GRID1: variants seen among roughly 807,000 people sequenced by gnomAD.
The protein encoded by GRID1 is glutamate ionotropic receptor delta type subunit 1, also known as glutamate receptor ionotropic, delta-1.
Under a neutral mutation model 98.0 loss-of-function variants are expected in GRID1, and 28 were observed. The observed-to-expected ratio is 0.29, with a 90% CI of 0.21 to 0.39. The LOEUF (loss-of-function observed/expected upper bound fraction) is 0.39. GRID1 is among the 10% of genes least tolerant of loss of function. The pLI, the probability that GRID1 is intolerant of heterozygous loss-of-function variation, is 1.00. For synonymous variants in GRID1, 553 were observed against 538.5 expected, an observed-to-expected ratio of 1.03 and a Z score of -0.37; for missense variants, 1,111 against 1,340.5, an observed-to-expected ratio of 0.83 and a Z score of 2.67.
intron 4 of GRID1, among the ~76,000 whole-genome samples, chr10:85,935,042 A>G (rs963307335): frequency 2.0e-5 from 3 of 152,250 alleles, no homozygotes; most frequent in African/African-American, 7.2e-5. Flanking sequence ...GTCAAGAGCA[A>G]AAGCATCTAA....
At chr10:85,619,098 T>G (rs760502821) in intron 14 of GRID1, among the ~76,000 whole-genome samples, 19 of 152,198 alleles carry the variant, frequency 1.2e-4, no homozygotes, top group Non-Finnish European at 2.5e-4. Flanking sequence ...GATTCATCCC[T>G]TCACCCAGCA....
chr10:86,165,184 A>C (rs528784204), intron 3 of GRID1, among the ~76,000 whole-genome samples: 1 of 152,342 alleles, frequency 6.6e-6, no homozygotes, highest in East Asian at 1.9e-4. Context: ...GGATACTCGC[A>C]GTGCACATTT....
At chr10:85,945,311 T>A (rs2131840584) in intron 4 of GRID1, among the ~76,000 whole-genome samples, 1 of 152,354 alleles carries the variant, frequency 6.6e-6, no homozygotes, top group African/African-American at 2.4e-5. Context: ...ATATGCTCCA[T>A]TATAAACAAT....
At chr10:86,083,642 T>C (rs187829682) in intron 4 of GRID1, among the ~76,000 whole-genome samples, 3 of 152,320 alleles carry the variant, frequency 2.0e-5, no homozygotes, top group African/African-American at 7.2e-5. Flanking sequence ...TTCTGAGAAA[T>C]GAAGGGTCTG....
chr10:85,628,693 T>G (rs142991340), intron 13 of GRID1, among the ~76,000 whole-genome samples: 19 of 152,232 alleles, frequency 1.2e-4, no homozygotes, highest in African/African-American at 4.6e-4. Flanking sequence ...CAGATCAGAC[T>G]CTGGACCAGC....
chr10:86,365,352 G>T lies in GRID1; in HGVS notation c.79+962C>A, dbSNP rs1848660745. Among the ~76,000 whole-genome samples, 2 of 150,998 alleles carry T rather than the reference G, an allele frequency of 1.3e-5. No homozygotes were observed. Among genetic ancestry groups the T allele is most frequent in the Non-Finnish European group, 3.0e-5 (2 of 67,766 alleles). On this transcript the variant is annotated intron_variant, in intron 1 of 15. Coordinates refer to ENST00000327946, the MANE Select transcript of GRID1 (RefSeq NM_017551.3). The surrounding 1 kb of genome is among the most constrained non-coding windows in gnomAD (Gnocchi z 4.8). The stretch of plus-strand genomic sequence containing the variant: ...ACTTCCGGAAAGACGACTGCGGAGG[G>T]ACTCCCCCAAAGCGACCGCTGTCAG...
chr10:86,070,146 C>T (rs753409797), intron 4 of GRID1, among the ~76,000 whole-genome samples: 11 of 152,194 alleles, frequency 7.2e-5, no homozygotes, highest in Non-Finnish European at 1.3e-4. Context: ...GCATCTCATG[C>T]TTACCTCCCC....
chr10:86,161,256 C>T (rs538725840), intron 3 of GRID1, among the ~76,000 whole-genome samples: 6 of 152,260 alleles, frequency 3.9e-5, no homozygotes, highest in Non-Finnish European at 5.9e-5. Flanking sequence ...AATCCGGGGC[C>T]TGACATCCTA....
intron 10 of GRID1, among the ~76,000 whole-genome samples, chr10:85,725,403 C>T (rs752947712): frequency 4.9e-4 from 75 of 152,162 alleles, no homozygotes; most frequent in Admixed American, 1.2e-3. Flanking sequence ...CCTACTATGA[C>T]CTTAAAATTA....
At chr10:85,724,747 T>C in intron 10 of GRID1, 71 bp from the exon 11 acceptor site, 1 of 1,273,834 alleles carries the variant, frequency 7.9e-7, no homozygotes, top group South Asian at 1.3e-5. Context: ...TGGGTCAAGG[T>C]CCACCCTCTG....
intron 8 of GRID1, among the ~76,000 whole-genome samples, chr10:85,756,429 T>G (rs1458045759): frequency 6.6e-6 from 1 of 152,190 alleles, no homozygotes; most frequent in African/African-American, 2.4e-5. Flanking sequence ...AATCTTGTAC[T>G]TTGGGACCAT....
chr10:85,773,921 T>C (rs1842300742), intron 8 of GRID1, among the ~76,000 whole-genome samples: 1 of 152,210 alleles, frequency 6.6e-6, no homozygotes, highest in Non-Finnish European at 1.5e-5. Flanking sequence ...ATAGATTCAA[T>C]GCCATTCCCA....
intron 4 of GRID1, among the ~76,000 whole-genome samples, chr10:86,068,765 C>CAGAT (rs1843755978): frequency 6.6e-6 from 1 of 152,208 alleles, no homozygotes; most frequent in Non-Finnish European, 1.5e-5. Flanking sequence ...CCTAAGAAGG[C>CAGAT]AGATAGCCTC....
At chr10:85,780,976 C>T (rs1033633120) in intron 8 of GRID1, among the ~76,000 whole-genome samples, 8 of 152,148 alleles carry the variant, frequency 5.3e-5, no homozygotes, top group Non-Finnish European at 1.2e-4. Flanking sequence ...TGGTGAACAC[C>T]AGAGTGCTTG....
chr10:86,219,885 C>G (rs919438870), intron 2 of GRID1, among the ~76,000 whole-genome samples: 3 of 152,168 alleles, frequency 2.0e-5, no homozygotes, highest in African/African-American at 7.2e-5. Flanking sequence ...AGATGCTCCC[C>G]CCGGGAGGCA....
intron 2 of GRID1, among the ~76,000 whole-genome samples, chr10:86,347,650 G>C (rs977116342): frequency 1.2e-4 from 18 of 152,208 alleles, no homozygotes; most frequent in Admixed American, 1.1e-3. Flanking sequence ...GTGTGGAGAC[G>C]GAGGCAGAGT....
intron 2 of GRID1, among the ~76,000 whole-genome samples, chr10:86,276,648 C>T (rs1847274519): frequency 1.3e-5 from 2 of 151,974 alleles, no homozygotes; most frequent in Admixed American, 1.3e-4. Context: ...CACCACCACA[C>T]CTAGCAAATT....
intron 8 of GRID1, among the ~76,000 whole-genome samples, chr10:85,790,891 G>A (rs891345163): frequency 6.6e-6 from 1 of 152,184 alleles, no homozygotes; most frequent in Non-Finnish European, 1.5e-5. Flanking sequence ...TAGAGACCAG[G>A]CACAGCCCCG....
intron 5 of GRID1, among the ~76,000 whole-genome samples, chr10:85,876,648 C>T (rs1166685276): frequency 6.6e-6 from 1 of 152,144 alleles, no homozygotes; most frequent in Non-Finnish European, 1.5e-5. Context: ...TGAATAGGAA[C>T]AGCTCCGGTC....
Sources: allele counts gnomAD v4.1 joint callset (sites outside exome capture counted in the v4.1 genomes callset), GRCh38; gene constraint gnomAD v4.1.1; non-coding constraint Gnocchi (gnomAD v3.1); transcripts MANE v1.5; gene names NCBI Gene and HGNC (gene_info 2026-07-23, HGNC 2026-07-21).